Variants in MACROD2 observed in about 807,000 individuals in gnomAD.
MACROD2 encodes mono-ADP ribosylhydrolase 2, also known as ADP-ribose glycohydrolase MACROD2.
A neutral mutation model predicts 70.4 loss-of-function variants in MACROD2; 36 were observed. The ratio of observed to expected loss-of-function variants is 0.51; its 90% CI spans 0.39 to 0.68. The LOEUF (loss-of-function observed/expected upper bound fraction) is 0.68. Among genes scored for constraint, MACROD2 ranks in the 30% least tolerant of loss-of-function variants. The pLI, the probability that MACROD2 is intolerant of heterozygous loss-of-function variation, is 0.00. For missense variants in MACROD2, 496 were observed against 538.4 expected (o/e 0.92, Z 0.78); for synonymous variants, 172 against 178.8 (o/e 0.96, Z 0.30).
chr20:14,339,785 C>T (rs1475740083), intron 3 of MACROD2, among the ~76,000 whole-genome samples: 1 of 152,058 alleles, frequency 6.6e-6, no homozygotes, highest in Non-Finnish European at 1.5e-5. Context: ...CCCTTTTAAG[C>T]TATGGATTAA....
chr20:15,008,416 G>A (rs1036331920), intron 5 of MACROD2, among the ~76,000 whole-genome samples: 8 of 152,146 alleles, frequency 5.3e-5, no homozygotes, highest in Admixed American at 4.6e-4. Flanking sequence ...AACATAGAGT[G>A]TTGCAGATAA....
At chr20:14,695,498 A>G (rs910532645) in intron 5 of MACROD2, among the ~76,000 whole-genome samples, 11 of 152,230 alleles carry the variant, frequency 7.2e-5, no homozygotes, top group Non-Finnish European at 1.5e-5. Context: ...GGACACAGGC[A>G]TAACTATCTG....
At chr20:14,980,595 TAATTGG>T (rs2122835906) in intron 5 of MACROD2, among the ~76,000 whole-genome samples, 1 of 152,326 alleles carries the variant, frequency 6.6e-6, no homozygotes, top group East Asian at 1.9e-4. Flanking sequence ...ACAACTTATG[TAATTGG>T]CCAAGTGAAA....
intron 4 of MACROD2, among the ~76,000 whole-genome samples, chr20:14,617,597 T>A (rs1221022127): frequency 6.6e-6 from 1 of 152,154 alleles, no homozygotes; most frequent in Non-Finnish European, 1.5e-5. Context: ...TCTAGGTTGC[T>A]TCACAGATGA....
At chr20:14,703,374 A>G (rs1163466447) in intron 5 of MACROD2, among the ~76,000 whole-genome samples, 2 of 152,182 alleles carry the variant, frequency 1.3e-5, no homozygotes, top group Non-Finnish European at 2.9e-5. Context: ...AATATTTACT[A>G]TAATTATGAG....
At chr20:15,756,399 T>A (rs972270567) in intron 8 of MACROD2, among the ~76,000 whole-genome samples, 4 of 146,554 alleles carry the variant, frequency 2.7e-5, no homozygotes, top group Non-Finnish European at 5.9e-5. Context: ...AGTACTTTGC[T>A]TCTTGGTTTG....
intron 3 of MACROD2, among the ~76,000 whole-genome samples, chr20:14,249,862 C>T (rs1370903950): frequency 6.6e-6 from 1 of 151,850 alleles, no homozygotes; most frequent in Non-Finnish European, 1.5e-5. Flanking sequence ...AATGGAGGAA[C>T]TGAATAATTG....
chr20:15,952,778 G>C lies in MACROD2; in HGVS notation c.908-14775G>C, dbSNP rs546383200. On this transcript the variant is annotated intron_variant, in intron 12 of 17. Transcript: ENST00000684519. ...CTTCCAGAGATGGATGATATTGTTT[G>C]TATTTCCCTAATTTTCTCTAATTTT... 6.6e-5 allele frequency among the ~76,000 whole-genome samples: 10 copies of C among 152,164 alleles called. No individual in the cohort carries two copies. In the East Asian group the frequency reaches 1.7e-3, roughly 27 times the overall value.
At chr20:15,202,074 G>A (rs1042778773) in intron 5 of MACROD2, among the ~76,000 whole-genome samples, 2 of 152,146 alleles carry the variant, frequency 1.3e-5, no homozygotes, top group Admixed American at 6.5e-5. Flanking sequence ...ATCACTCATG[G>A]TGCCTGATAT....
intron 5 of MACROD2, among the ~76,000 whole-genome samples, chr20:15,184,171 A>G (rs2076519580): frequency 6.6e-6 from 1 of 152,188 alleles, no homozygotes; most frequent in Non-Finnish European, 1.5e-5. Flanking sequence ...CAAATATAAC[A>G]TCCAAAGGAA....
chr20:14,139,326 G>A (rs905443804), intron 3 of MACROD2, among the ~76,000 whole-genome samples: 3 of 152,158 alleles, frequency 2.0e-5, no homozygotes, highest in Admixed American at 1.3e-4. Context: ...CATCATAGGT[G>A]TTATCTCCTT....
At chr20:15,189,087 A>T (rs2076552611) in intron 5 of MACROD2, among the ~76,000 whole-genome samples, 1 of 152,108 alleles carries the variant, frequency 6.6e-6, no homozygotes, top group South Asian at 2.1e-4. Context: ...GGTAACAGTG[A>T]TATATTTCAC....
intron 6 of MACROD2, among the ~76,000 whole-genome samples, chr20:15,409,390 G>T (rs999360759): frequency 1.3e-5 from 2 of 152,180 alleles, no homozygotes; most frequent in Non-Finnish European, 2.9e-5. Context: ...TCACAATGCT[G>T]CAGTGTATAA....
At chr20:14,660,510 A>G (rs1224639157) in intron 4 of MACROD2, among the ~76,000 whole-genome samples, 1 of 152,220 alleles carries the variant, frequency 6.6e-6, no homozygotes, top group East Asian at 1.9e-4. Flanking sequence ...ATACAATATT[A>G]TCCATAATTT....
intron 8 of MACROD2, among the ~76,000 whole-genome samples, chr20:15,792,804 G>T (rs1258612483): frequency 6.6e-6 from 1 of 152,138 alleles, no homozygotes; most frequent in Non-Finnish European, 1.5e-5. Context: ...ACTTTGTGAT[G>T]CCTCTGATGG....
intron 3 of MACROD2, among the ~76,000 whole-genome samples, chr20:14,216,582 A>C (rs1322454264): frequency 6.6e-6 from 1 of 152,060 alleles, no homozygotes; most frequent in African/African-American, 2.4e-5. Flanking sequence ...CTAAATTTGT[A>C]GATTGCTTTT....
At chr20:14,865,595 T>C (rs1021583920) in intron 5 of MACROD2, among the ~76,000 whole-genome samples, 16 of 152,156 alleles carry the variant, frequency 1.1e-4, no homozygotes, top group Non-Finnish European at 2.4e-4. Context: ...ATTTATTGTC[T>C]CCACAATATT....
chr20:15,481,685 TA>T (rs571250513), intron 7 of MACROD2, among the ~76,000 whole-genome samples: 4,274 of 145,210 alleles, frequency 0.029, 144 homozygotes, highest in African/African-American at 0.083. Context: ...AAATAAACAT[TA>T]AAAAAAAAAA....
intron 8 of MACROD2, among the ~76,000 whole-genome samples, chr20:15,604,105 C>A (rs769887325): frequency 6.6e-6 from 1 of 152,116 alleles, no homozygotes; most frequent in Non-Finnish European, 1.5e-5. Flanking sequence ...CAAGATGAGG[C>A]ACCTTAGATC....
Sources: gnomAD v4.1 joint callset for allele counts (sites outside exome capture counted in the v4.1 genomes callset) on GRCh38, gnomAD v4.1.1 for gene constraint, MANE v1.5 for transcripts, NCBI Gene and HGNC (gene_info 2026-07-23, HGNC 2026-07-21) for gene names.